BICD1: variants seen among roughly 807,000 people sequenced by gnomAD.
BICD1 encodes the protein protein bicaudal D homolog 1.
BICD1 carries 35 observed loss-of-function variants against 92.5 expected under a neutral mutation model. That is an observed-to-expected ratio of 0.38 (90% CI 0.29 to 0.50). The LOEUF (loss-of-function observed/expected upper bound fraction) is 0.50. Among genes scored for constraint, BICD1 ranks in the 20% least tolerant of loss-of-function variants. BICD1 has a pLI of 0.93. For missense variants in BICD1, 950 were observed against 1,189.8 expected, an observed-to-expected ratio of 0.80 and a Z score of 2.97; for synonymous variants, 429 against 465.1, an observed-to-expected ratio of 0.92 and a Z score of 1.00.
At chr12:32,340,492 T>C (rs1565683466) in intron 8 of BICD1, 12 of 983,300 alleles carry the variant, frequency 1.2e-5, no homozygotes, top group Non-Finnish European at 1.4e-5. Context: ...TTAGTAGCAC[T>C]ATCTACTGGA....
At chr12:32,348,721 AAAATATATATAT>A (rs1444754188) in intron 8 of BICD1, among the ~76,000 whole-genome samples, 3 of 116,432 alleles carry the variant, frequency 2.6e-5, no homozygotes, top group Non-Finnish European at 5.3e-5. Context: ...AGCTCACACA[AAAATATATATAT>A]ATATATATAT....
In BICD1 at chr12:32,165,157, A is replaced by T. The variant is rs1486244490; in HGVS notation, c.214-51090A>T. Among the ~76,000 whole-genome samples the T allele has an allele frequency of 2.0e-5, 3 of 152,210 alleles. No individual in the cohort carries two copies. The South Asian group carries it at 6.2e-4, about 32-fold the overall frequency. On this transcript the variant is annotated intron_variant, in intron 1 of 9. Coordinates refer to ENST00000652176, the MANE Select transcript of BICD1 (RefSeq NM_001714.4). ...AAAATGGAATATTAGGAGGGGAAAG[A>T]CTAGAGTTACTAGAAGAGATATTTG... is the stretch of plus-strand genomic sequence containing the variant.
At chr12:32,263,907 G>A (rs1592579108) in intron 2 of BICD1, among the ~76,000 whole-genome samples, 1 of 152,296 alleles carries the variant, frequency 6.6e-6, no homozygotes, top group East Asian at 1.9e-4. Context: ...AATGCTTGAT[G>A]AGTAGTAGTT....
At chr12:32,284,924 A>G (rs1323307919) in intron 2 of BICD1, among the ~76,000 whole-genome samples, 1 of 152,294 alleles carries the variant, frequency 6.6e-6, no homozygotes. Context: ...ATAGCACCGA[A>G]CTTAGGCATA....
chr12:32,310,499 AT>A (rs1314721005), intron 4 of BICD1, among the ~76,000 whole-genome samples: 3 of 152,288 alleles, frequency 2.0e-5, no homozygotes, highest in African/African-American at 7.2e-5. Flanking sequence ...TCTGGATGCC[AT>A]CAAGGAGGTC....
At chr12:32,323,116 A>G (rs1948697784) in intron 4 of BICD1, among the ~76,000 whole-genome samples, 1 of 152,246 alleles carries the variant, frequency 6.6e-6, no homozygotes, top group Non-Finnish European at 1.5e-5. Flanking sequence ...ACCATATTAC[A>G]TAATTACCAG....
intron 1 of BICD1, among the ~76,000 whole-genome samples, chr12:32,190,498 CAAAG>C (rs1201040196): frequency 6.6e-6 from 1 of 152,082 alleles, no homozygotes; most frequent in Admixed American, 6.6e-5. Flanking sequence ...TCACAGAAGA[CAAAG>C]AAGATCACTA....
At chr12:32,261,633 C>A (rs529971963) in intron 2 of BICD1, among the ~76,000 whole-genome samples, 1 of 152,324 alleles carries the variant, frequency 6.6e-6, no homozygotes, top group African/African-American at 2.4e-5. Flanking sequence ...GGACCAGTGC[C>A]ATTTTGATGC....
At chr12:32,332,634 C>G in intron 5 of BICD1, 1 of 295,922 alleles carries the variant, frequency 3.4e-6, no homozygotes, top group Non-Finnish European at 5.0e-6. Flanking sequence ...TGCTGTAATC[C>G]AAGTTATGAG....
At chr12:32,346,613 C>A (rs1168138901) in intron 8 of BICD1, among the ~76,000 whole-genome samples, 1 of 23,616 alleles carries the variant, frequency 4.2e-5, no homozygotes, top group Non-Finnish European at 1.2e-4. Flanking sequence ...TATATATATA[C>A]GTGTATATAT....
chr12:32,203,784 GCC>G (rs1434424903), intron 1 of BICD1, among the ~76,000 whole-genome samples: 2 of 84,952 alleles, frequency 2.4e-5, no homozygotes, highest in Non-Finnish European at 5.7e-5. Flanking sequence ...CTCTTCTTTG[GCC>G]TCTCTTCTTT....
intron 1 of BICD1, among the ~76,000 whole-genome samples, chr12:32,183,356 G>T (rs1273728359): frequency 1.3e-5 from 2 of 148,998 alleles, no homozygotes; most frequent in African/African-American, 2.5e-5. Flanking sequence ...CATTGCAACC[G>T]CTGGTTCAAG....
intron 2 of BICD1, among the ~76,000 whole-genome samples, chr12:32,230,370 A>G (rs943817163): frequency 6.6e-6 from 1 of 151,982 alleles, no homozygotes; most frequent in Non-Finnish European, 1.5e-5. Context: ...ACTGCACTCC[A>G]GTCTAGGCAA....
chr12:32,365,678 G>C (rs1939503019), intron 8 of BICD1, among the ~76,000 whole-genome samples: 1 of 152,158 alleles, frequency 6.6e-6, no homozygotes, highest in Non-Finnish European at 1.5e-5. Context: ...TGACTTAACT[G>C]CCTGTCTGGT....
chr12:32,213,788 C>T (rs967973244), intron 1 of BICD1, among the ~76,000 whole-genome samples: 1 of 152,164 alleles, frequency 6.6e-6, no homozygotes, highest in African/African-American at 2.4e-5. Flanking sequence ...GTGGTGTCTA[C>T]CAGGTTTCTC....
At chr12:32,375,351 A>T (rs989111577) in intron 9 of BICD1, among the ~76,000 whole-genome samples, 9 of 152,104 alleles carry the variant, frequency 5.9e-5, no homozygotes, top group African/African-American at 1.9e-4. Flanking sequence ...CAAAATGGTG[A>T]AAGTCCGTCT....
chr12:32,135,941 C>A (rs1592356208), intron 1 of BICD1, among the ~76,000 whole-genome samples: 1 of 152,124 alleles, frequency 6.6e-6, no homozygotes, highest in Admixed American at 6.6e-5. Flanking sequence ...GCAGGACTTG[C>A]ATTCTCAGTT....
At chr12:32,263,805 G>A (rs6488040) in intron 2 of BICD1, among the ~76,000 whole-genome samples, 35,101 of 151,946 alleles carry the variant, frequency 0.23, 6,078 homozygotes, top group African/African-American at 0.49. Context: ...AATCATATGC[G>A]GACTATAGTT....
chr12:32,213,084 A>G (rs111417466), intron 1 of BICD1, among the ~76,000 whole-genome samples: 5 of 152,326 alleles, frequency 3.3e-5, no homozygotes, highest in African/African-American at 1.2e-4. Flanking sequence ...CAATAGCATC[A>G]CTAACTAACC....
Sources: gnomAD v4.1 joint callset for allele counts (sites outside exome capture counted in the v4.1 genomes callset) on GRCh38, gnomAD v4.1.1 for gene constraint, MANE v1.5 for transcripts, NCBI Gene and HGNC (gene_info 2026-07-23, HGNC 2026-07-21) for gene names.